Variants in GRIN3A observed in about 807,000 individuals in gnomAD.
The protein encoded by GRIN3A is glutamate receptor ionotropic, NMDA 3A.
In GRIN3A, 47 loss-of-function variants were observed where a neutral mutation model predicts 92.4. The observed-to-expected ratio is 0.51, with a 90% CI of 0.40 to 0.65. The LOEUF (loss-of-function observed/expected upper bound fraction) is 0.65, where lower values mean the gene tolerates loss of function less well. Among genes scored for constraint, GRIN3A ranks in the 30% least tolerant of loss-of-function variants. The pLI is 0.00. For missense variants in GRIN3A, 1,324 were observed against 1,393.1 expected, an observed-to-expected ratio of 0.95 and a Z score of 0.79; for synonymous variants, 527 against 540.6, an observed-to-expected ratio of 0.97 and a Z score of 0.35.
At chr9:101,611,151 T>G (rs1220096542) in intron 6 of GRIN3A, among the ~76,000 whole-genome samples, 3 of 150,610 alleles carry the variant, frequency 2.0e-5, no homozygotes, top group Non-Finnish European at 4.4e-5. Flanking sequence ...ATGTACTACC[T>G]CACAGCTTAG....
At chr9:101,581,095 A>G (rs1827882039) in intron 6 of GRIN3A, among the ~76,000 whole-genome samples, 1 of 152,230 alleles carries the variant, frequency 6.6e-6, no homozygotes. Context: ...GATAGAAGGA[A>G]GTTATATCTT....
Position 101,737,291 on chromosome 9 carries a change from C to T in GRIN3A, c.689G>A (p.Arg230Gln), listed in dbSNP as rs1219993057. ...CCAGGCTCCTCTCACCTGACTCTCC[C>T]GTGGAAACTCGTGGCGCACGATGCT... Reference protein sequence around the residue: ...VISIVRHEFPRESQNPLHLQL... With the variant: ...VISIVRHEFPQESQNPLHLQL... Residue 230 changes from arginine to glutamine, a missense_variant, in exon 1 of 9, where the codon CGG (arginine) becomes CAG (glutamine). Physicochemically the swap from Arg to Gln is conservative, Grantham distance 43. Transcript: ENST00000361820. 1.9e-6 allele frequency: 3 copies of T among 1,613,990 alleles called. No homozygotes were observed. The highest frequency in any genetic ancestry group is 2.2e-5 in the East Asian group (1 of 44,866).
chr9:101,573,400 C>T lies in GRIN3A; in HGVS notation c.3122G>A (p.Arg1041Gln), dbSNP rs3739722. The T allele has an allele frequency of 0.13, 215,743 of 1,613,756 alleles. 15,367 individuals are homozygous for T. Among genetic ancestry groups the T allele is most frequent in the East Asian group, 0.22 (9,959 of 44,836 alleles). Residue 1041 changes from arginine to glutamine, a missense_variant, in exon 9 of 9, where the codon CGG (arginine) becomes CAG (glutamine). Physicochemically the swap from Arg to Gln is conservative, Grantham distance 43 (BLOSUM62 1). Transcript: ENST00000361820. ...AGGGAGGGGGATGTCCTGGTGGATC[C>T]GGATGCCCAGCTGGTTTTGTCCTTC... ...DEEGQNQLGI[R>Q]IHQDIPLPPR...
intron 6 of GRIN3A, among the ~76,000 whole-genome samples, chr9:101,591,082 TAAC>T (rs991400527): frequency 6.6e-6 from 1 of 152,224 alleles, no homozygotes; most frequent in African/African-American, 2.4e-5. Flanking sequence ...ATAGGATTCA[TAAC>T]AACATATTGT....
In GRIN3A at chr9:101,737,988, C is replaced by T. The variant is rs1172402162; in HGVS notation, c.-9G>A. 3.3e-6 allele frequency: 5 copies of T among 1,531,966 alleles called. No individual in the cohort carries two copies. In the East Asian group the frequency reaches 7.3e-5, roughly 22 times the overall value. 94.9% of individuals were successfully genotyped at this position (1,531,966 alleles called of 1,614,324 possible). ...AAACTCAGTCTCCTCATTACTGAGA[C>T]CCGCAGGGAGAAAGCGCGCCCCCTC... is the stretch of plus-strand genomic sequence containing the variant. On this transcript the variant is annotated 5_prime_UTR_variant, in exon 1 of 9. Coordinates refer to ENST00000361820, the MANE Select transcript of GRIN3A (RefSeq NM_133445.3).
intron 1 of GRIN3A, among the ~76,000 whole-genome samples, chr9:101,736,006 C>T (rs1379981796): frequency 2.0e-5 from 3 of 152,188 alleles, no homozygotes; most frequent in Non-Finnish European, 2.9e-5. Context: ...ATCTTTAGTA[C>T]TCCCTTGACA....
At position 101,686,682 on chromosome 9, in the gene GRIN3A, G is replaced by C; in HGVS notation, c.1218C>G (p.Ile406Met). 1.2e-6 allele frequency: 2 copies of C among 1,614,166 alleles called. No individual in the cohort carries two copies. Among genetic ancestry groups the C allele is most frequent in the Non-Finnish European group, 1.7e-6 (2 of 1,180,032 alleles). The change falls in exon 2 of 9, where the codon ATC becomes ATG. Residue 406 changes from isoleucine (I) to methionine (M), a missense_variant. Ile to Met is a conservative substitution (Grantham distance 10). Coordinates refer to ENST00000361820, the MANE Select transcript of GRIN3A (RefSeq NM_133445.3). Reference protein sequence around the residue: ...VARAVATATMIQPELALIPST... With the variant: ...VARAVATATMMQPELALIPST... ...TGGGAATGAGAGCAAGTTCTGGTTG[G>C]ATCATGGTGGCTGTGGCTACAGCTC... is the stretch of plus-strand genomic sequence containing the variant.
rs530126933 is a variant in GRIN3A, at chr9:101,704,377, A to T, written c.700-17177T>A. On this transcript the variant is annotated intron_variant, in intron 1 of 8. Coordinates refer to ENST00000361820, the MANE Select transcript of GRIN3A (RefSeq NM_133445.3). ...CATGTTTCTAGGCAATATATTTTAGATTTATTTATTTGTTCTGAAAATATG... is the reference window on the plus strand; with the variant it reads ...CATGTTTCTAGGCAATATATTTTAGTTTTATTTATTTGTTCTGAAAATATG... Among the ~76,000 whole-genome samples the T allele has an allele frequency of 3.3e-5, 5 of 152,260 alleles. No individual in the cohort carries two copies. The South Asian group carries it at 1.0e-3, about 32-fold the overall frequency.
At chr9:101,606,557 G>A (rs1179773883) in intron 6 of GRIN3A, among the ~76,000 whole-genome samples, 1 of 152,058 alleles carries the variant, frequency 6.6e-6, no homozygotes, top group East Asian at 1.9e-4. Flanking sequence ...TGCCCTGGGA[G>A]ACTGTAGTAT....
chr9:101,625,830 A>C (rs2181561), intron 4 of GRIN3A, among the ~76,000 whole-genome samples: 10,037 of 152,278 alleles, frequency 0.066, 485 homozygotes, highest in East Asian at 0.17. Flanking sequence ...GCTACGTAGC[A>C]ACAAGTTATC....
intron 4 of GRIN3A, among the ~76,000 whole-genome samples, chr9:101,627,997 A>C (rs1179278392): frequency 1.3e-5 from 2 of 152,212 alleles, no homozygotes; most frequent in East Asian, 3.8e-4. Context: ...ACCATCTGCT[A>C]TGCTAATGGC....
intron 5 of GRIN3A, among the ~76,000 whole-genome samples, chr9:101,618,888 T>C (rs12685902): frequency 0.52 from 79,376 of 151,934 alleles, 21,039 homozygotes; most frequent in African/African-American, 0.62. Flanking sequence ...TTACTAGAAA[T>C]GTGGCTTTGC....
At chr9:101,735,060 G>A (rs193006265) in intron 1 of GRIN3A, among the ~76,000 whole-genome samples, 25 of 152,018 alleles carry the variant, frequency 1.6e-4, no homozygotes, top group African/African-American at 5.8e-4. Context: ...ACTGAAAGCA[G>A]ATTACGGTCA....
intron 3 of GRIN3A, among the ~76,000 whole-genome samples, chr9:101,668,002 G>C (rs1047289011): frequency 1.3e-5 from 2 of 151,964 alleles, no homozygotes; most frequent in Non-Finnish European, 2.9e-5. Flanking sequence ...TTTAGATTTA[G>C]GTTTGTCCCA....
chr9:101,716,655 T>G (rs890024808), intron 1 of GRIN3A, among the ~76,000 whole-genome samples: 9 of 152,182 alleles, frequency 5.9e-5, no homozygotes, highest in Non-Finnish European at 2.9e-5. Context: ...CTTGTTATGA[T>G]TACAGGCCTA....
chr9:101,643,693 A>C (rs948077893), intron 3 of GRIN3A, among the ~76,000 whole-genome samples: 2 of 145,746 alleles, frequency 1.4e-5, no homozygotes, highest in Non-Finnish European at 3.0e-5. Context: ...TCACACACAC[A>C]CACCCACACG....
chr9:101,610,601 C>T (rs983181395), intron 6 of GRIN3A, among the ~76,000 whole-genome samples: 5 of 140,664 alleles, frequency 3.6e-5, no homozygotes, highest in African/African-American at 1.3e-4. Flanking sequence ...ATCTATCTAT[C>T]TATCTATCTA....
At chr9:101,602,434 T>C (rs1326910770) in intron 6 of GRIN3A, among the ~76,000 whole-genome samples, 1 of 152,146 alleles carries the variant, frequency 6.6e-6, no homozygotes, top group Non-Finnish European at 1.5e-5. Flanking sequence ...GCACAGGGAA[T>C]AGAGGTGAGT....
chr9:101,578,058 CAA>C (rs1827848359), intron 7 of GRIN3A, among the ~76,000 whole-genome samples: 2 of 151,824 alleles, frequency 1.3e-5, no homozygotes, highest in Admixed American at 1.3e-4. Flanking sequence ...CCTGGAGAAA[CAA>C]AAAAGTGTTC....
Sources: allele counts gnomAD v4.1 joint callset (sites outside exome capture counted in the v4.1 genomes callset), GRCh38; gene constraint gnomAD v4.1.1; transcripts MANE v1.5; gene names NCBI Gene and HGNC (gene_info 2026-07-23, HGNC 2026-07-21).